Variants in KDM4C observed in about 807,000 individuals in gnomAD.
KDM4C encodes the protein lysine demethylase 4C.
In KDM4C, 81 loss-of-function variants were observed where a neutral mutation model predicts 129.3. That is an observed-to-expected ratio of 0.63 (90% CI 0.52 to 0.75). The LOEUF (loss-of-function observed/expected upper bound fraction) is 0.75, where lower values mean the gene tolerates loss of function less well. Among genes scored for constraint, KDM4C ranks in the 30% least tolerant of loss-of-function variants. The pLI, the probability that KDM4C is intolerant of heterozygous loss-of-function variation, is 0.00. For missense variants in KDM4C, 1,457 were observed against 1,304.0 expected (o/e 1.12, Z -1.81); for synonymous variants, 573 against 456.1 (o/e 1.26, Z -3.26).
At chr9:6,971,430 C>A (rs185660326) in intron 8 of KDM4C, among the ~76,000 whole-genome samples, 84 of 152,276 alleles carry the variant, frequency 5.5e-4, no homozygotes, top group African/African-American at 2.0e-3. Flanking sequence ...AAAATTTGGA[C>A]TGATCAATGA....
chr9:6,850,349 A>T (rs1298820874), intron 5 of KDM4C, among the ~76,000 whole-genome samples: 1 of 152,242 alleles, frequency 6.6e-6, no homozygotes, highest in Non-Finnish European at 1.5e-5. Context: ...GTTGGATGGT[A>T]TGTAGGAGGT....
intron 1 of KDM4C, among the ~76,000 whole-genome samples, chr9:6,771,605 C>G (rs541550928): frequency 2.6e-5 from 4 of 152,180 alleles, no homozygotes; most frequent in Non-Finnish European, 5.9e-5. Context: ...GCCACTGCAC[C>G]CGGCCAGTAT....
intron 17 of KDM4C, among the ~76,000 whole-genome samples, chr9:7,093,929 G>A (rs1261520208): frequency 1.3e-5 from 2 of 152,210 alleles, no homozygotes; most frequent in African/African-American, 2.4e-5. Flanking sequence ...GAGGACTTTG[G>A]TTCTGGTTGA....
intron 4 of KDM4C, 77 bp downstream of exon 4, chr9:6,814,822 G>GC: frequency 2.4e-6 from 2 of 832,138 alleles, no homozygotes; most frequent in South Asian, 2.0e-5. Context: ...CAGTTTAGAA[G>GC]TGTTCTTTTG....
chr9:6,984,344 G>T lies in KDM4C; in HGVS notation c.1294G>T (p.Glu432Ter). The T allele has an allele frequency of 6.2e-7, 1 of 1,614,062 alleles. No individual in the cohort carries two copies. Among genetic ancestry groups the T allele is most frequent in the Non-Finnish European group, 8.5e-7 (1 of 1,179,922 alleles). The change falls in exon 10 of 22, where the codon GAG becomes TAG. Residue 432 changes from glutamate (E) to a stop codon, truncating the protein, a stop_gained. Coordinates refer to ENST00000381309, the MANE Select transcript of KDM4C (RefSeq NM_015061.6). LOFTEE classifies it high-confidence loss of function. ...GAACACAGAAGCATCTTCAGAAGAA[G>T]AGTCATCTGCTAGCAGGATGCAGGT... is the stretch of plus-strand genomic sequence containing the variant. ...LRNTEASSEE[E>*]SSASRMQVEQ...
chr9:7,117,578 C>T (rs1327812644), intron 18 of KDM4C, among the ~76,000 whole-genome samples: 2 of 150,966 alleles, frequency 1.3e-5, no homozygotes, highest in Admixed American at 6.6e-5. Context: ...TGAGTATTTT[C>T]GGTTCTTCAC....
At chr9:6,812,327 A>G (rs115197669) in intron 3 of KDM4C, among the ~76,000 whole-genome samples, 5,008 of 152,242 alleles carry the variant, frequency 0.033, 255 homozygotes, top group African/African-American at 0.11. Flanking sequence ...GTTTCCAACA[A>G]TCTTGGAGGT....
At chr9:6,805,461 C>G in intron 2 of KDM4C, 138 bp from the exon 3 acceptor site, 1 of 594,642 alleles carries the variant, frequency 1.7e-6, no homozygotes, top group Non-Finnish European at 2.7e-6. Flanking sequence ...TGCAAATATT[C>G]ATCTTTTTTT....
chr9:6,867,213 A>G (rs552185991), intron 5 of KDM4C, among the ~76,000 whole-genome samples: 15 of 151,980 alleles, frequency 9.9e-5, no homozygotes, highest in African/African-American at 1.7e-4. Flanking sequence ...ACGGGGTTTC[A>G]CCATGTTGGC....
intron 17 of KDM4C, among the ~76,000 whole-genome samples, chr9:7,094,648 C>G (rs992801593): frequency 1.3e-5 from 2 of 152,220 alleles, no homozygotes; most frequent in African/African-American, 4.8e-5. Flanking sequence ...ACTGAGTTAA[C>G]TCTTCTCACA....
intron 19 of KDM4C, among the ~76,000 whole-genome samples, chr9:7,155,468 A>G (rs1375306721): frequency 6.6e-6 from 1 of 151,998 alleles, no homozygotes; most frequent in Non-Finnish European, 1.5e-5. Context: ...TCAACTCGTC[A>G]TTTACATTAC....
intron 8 of KDM4C, among the ~76,000 whole-genome samples, chr9:6,913,828 A>G (rs1412904546): frequency 6.6e-6 from 1 of 152,208 alleles, no homozygotes; most frequent in Non-Finnish European, 1.5e-5. Flanking sequence ...AGGCCACACT[A>G]ATGTCAGAGT....
intron 1 of KDM4C, among the ~76,000 whole-genome samples, chr9:6,778,412 A>G (rs1258748489): frequency 6.6e-6 from 1 of 151,820 alleles, no homozygotes; most frequent in African/African-American, 2.4e-5. Flanking sequence ...CTTTGTAGCT[A>G]AATAACTTAT....
intron 13 of KDM4C, among the ~76,000 whole-genome samples, chr9:7,012,782 C>T (rs1822946704): frequency 1.3e-5 from 2 of 152,032 alleles, no homozygotes; most frequent in Non-Finnish European, 2.9e-5. Flanking sequence ...TTTTAAGGTA[C>T]AATATATTAT....
intron 8 of KDM4C, among the ~76,000 whole-genome samples, chr9:6,958,893 C>T (rs1829564456): frequency 6.6e-6 from 1 of 152,136 alleles, no homozygotes; most frequent in Non-Finnish European, 1.5e-5. Flanking sequence ...AGCGATCCAC[C>T]TGCCTTGGCC....
At chr9:6,748,676 A>C (rs1374751322) in intron 1 of KDM4C, 6 of 1,238,020 alleles carry the variant, frequency 4.8e-6, no homozygotes, top group Non-Finnish European at 7.1e-6. Context: ...TATCCTTCTC[A>C]ACAATTTCTC....
chr9:7,156,838 T>A (rs1267990424), intron 19 of KDM4C, among the ~76,000 whole-genome samples: 2 of 152,220 alleles, frequency 1.3e-5, no homozygotes, highest in Non-Finnish European at 2.9e-5. Context: ...CAATGTGGGT[T>A]CTTTTTTGGT....
chr9:6,921,782 C>T (rs1432285000), intron 8 of KDM4C, among the ~76,000 whole-genome samples: 1 of 152,082 alleles, frequency 6.6e-6, no homozygotes, highest in Non-Finnish European at 1.5e-5. Context: ...ACTCCCTGCC[C>T]CAACCCCTAC....
At chr9:6,750,257 G>T (rs1174566919) in intron 1 of KDM4C, among the ~76,000 whole-genome samples, 1 of 151,910 alleles carries the variant, frequency 6.6e-6, no homozygotes, top group Non-Finnish European at 1.5e-5. Flanking sequence ...TGACCAATAT[G>T]GTGGAACCCC....
Sources: allele counts gnomAD v4.1 joint callset (sites outside exome capture counted in the v4.1 genomes callset), GRCh38; gene constraint gnomAD v4.1.1; transcripts MANE v1.5; gene names NCBI Gene and HGNC (gene_info 2026-07-23, HGNC 2026-07-21).